SUPT3H: variants seen among roughly 807,000 people sequenced by gnomAD.
SUPT3H encodes the protein SPT3 homolog, SAGA and STAGA complex component, also known as transcription initiation protein SPT3 homolog.
In SUPT3H, 44 loss-of-function variants were observed where a neutral mutation model predicts 44.3. The ratio of observed to expected loss-of-function variants is 0.99; its 90% confidence interval spans 0.78 to 1.28. The LOEUF (loss-of-function observed/expected upper bound fraction) is 1.28. Among genes scored for constraint, SUPT3H ranks in the 50% most tolerant of loss-of-function variants. The pLI is 0.00. For missense variants in SUPT3H, 380 were observed against 387.1 expected (o/e 0.98, Z 0.15); for synonymous variants, 124 against 125.6 (o/e 0.99, Z 0.09).
chr6:45,317,048 G>A (rs546447906), intron 2 of SUPT3H, among the ~76,000 whole-genome samples: 15 of 151,774 alleles, frequency 9.9e-5, no homozygotes, highest in Non-Finnish European at 1.5e-4. Context: ...GCAACATGGC[G>A]AGACCCCATC....
chr6:45,003,666 T>C lies in SUPT3H; in HGVS notation c.491A>G (p.Gln164Arg), dbSNP rs138949390. ...AATGTACTATACCTCCATTCTTTCT[T>C]GTTTAACTTCATCAATTTCGTCATC... ...FEDDEIDEVK[Q>R]ERMERAERQT... The change falls in exon 6 of 11, where the codon CAA becomes CGA. Residue 164 changes from glutamine (Q) to arginine (R), a missense_variant. Gln to Arg is a conservative substitution (Grantham distance 43). Coordinates refer to ENST00000371459, the MANE Select transcript of SUPT3H (RefSeq NM_003599.4). 121 of 1,613,442 alleles carry C rather than the reference T, an allele frequency of 7.5e-5. No individual in the cohort carries two copies. The African/African-American group carries it at 1.4e-3, about 18-fold the overall frequency.
At chr6:45,047,515 C>T (rs1390784739) in intron 3 of SUPT3H, among the ~76,000 whole-genome samples, 4 of 151,974 alleles carry the variant, frequency 2.6e-5, no homozygotes, top group Non-Finnish European at 5.9e-5. Flanking sequence ...TTAAAGATGG[C>T]CCATACAAAC....
At chr6:44,968,726 G>A (rs565635875) in intron 6 of SUPT3H, among the ~76,000 whole-genome samples, 14 of 152,142 alleles carry the variant, frequency 9.2e-5, no homozygotes, top group African/African-American at 2.7e-4. Context: ...AAAGGCCCTC[G>A]TACATTGTAA....
At chr6:45,361,752 C>G (rs1852986) in intron 2 of SUPT3H, 63,435 of 152,036 alleles carry the variant, frequency 0.42, 13,982 homozygotes, top group Non-Finnish European at 0.5. Context: ...CCTTTCCTTT[C>G]AAATCTGTAA....
intron 2 of SUPT3H, among the ~76,000 whole-genome samples, chr6:45,258,490 A>G (rs1480306671): frequency 6.6e-6 from 1 of 152,220 alleles, no homozygotes; most frequent in African/African-American, 2.4e-5. Flanking sequence ...TAAACAAACA[A>G]AACTTTGTTT....
At chr6:45,163,494 G>A (rs1056005952) in intron 2 of SUPT3H, among the ~76,000 whole-genome samples, 1 of 152,024 alleles carries the variant, frequency 6.6e-6, no homozygotes, top group Non-Finnish European at 1.5e-5. Flanking sequence ...TTACGTAAAA[G>A]CTGGATTATT....
intron 2 of SUPT3H, among the ~76,000 whole-genome samples, chr6:45,178,514 A>T (rs1268611590): frequency 6.6e-6 from 1 of 151,984 alleles, no homozygotes; most frequent in East Asian, 1.9e-4. Context: ...AACGAGACAG[A>T]CAGTCAACAA....
intron 3 of SUPT3H, among the ~76,000 whole-genome samples, chr6:45,096,841 T>A (rs1797850688): frequency 6.6e-6 from 1 of 152,050 alleles, no homozygotes; most frequent in African/African-American, 2.4e-5. Context: ...TCATAATAAG[T>A]CTTGTCAAAA....
chr6:45,088,213 A>G (rs1796715344), intron 3 of SUPT3H, among the ~76,000 whole-genome samples: 1 of 152,082 alleles, frequency 6.6e-6, no homozygotes, highest in Non-Finnish European at 1.5e-5. Context: ...GGGTTTTAAG[A>G]ATGTTGAGGT....
chr6:45,200,964 G>A (rs905131923), intron 2 of SUPT3H, among the ~76,000 whole-genome samples: 9 of 151,408 alleles, frequency 5.9e-5, no homozygotes, highest in African/African-American at 2.2e-4. Flanking sequence ...ACAGTCATGT[G>A]TACAAATATA....
At chr6:45,087,478 T>C (rs1317804193) in intron 3 of SUPT3H, among the ~76,000 whole-genome samples, 1 of 151,774 alleles carries the variant, frequency 6.6e-6, no homozygotes, top group Non-Finnish European at 1.5e-5. Context: ...TTACCAATAT[T>C]TCAGATAAAG....
chr6:45,345,171 C>A (rs1790592487), intron 2 of SUPT3H, among the ~76,000 whole-genome samples: 1 of 152,108 alleles, frequency 6.6e-6, no homozygotes, highest in Non-Finnish European at 1.5e-5. Flanking sequence ...AAATCTTTGA[C>A]ACTTTATAAA....
chr6:45,375,278 C>G (rs537803085), intron 1 of SUPT3H, among the ~76,000 whole-genome samples: 1 of 152,164 alleles, frequency 6.6e-6, no homozygotes, highest in Non-Finnish European at 1.5e-5. Context: ...CAAGTCCCAA[C>G]AAGGCTAACA....
rs572469828 is a variant in SUPT3H, at chr6:45,027,636, G to T, written c.187-7004C>A. 2.6e-5 allele frequency among the ~76,000 whole-genome samples: 4 copies of T among 152,210 alleles called. No homozygotes were observed. In the South Asian group the frequency reaches 8.3e-4, roughly 32 times the overall value. On this transcript the variant is annotated intron_variant, in intron 3 of 10. Transcript: ENST00000371459. ...TAAAAAATAGGCACTTAACTAGAAC[G>T]GATTCAAACTACAACATCTTTTTCT...
chr6:45,173,375 G>A (rs542112726), intron 2 of SUPT3H, among the ~76,000 whole-genome samples: 15 of 152,290 alleles, frequency 9.8e-5, no homozygotes, highest in Admixed American at 6.5e-4. Context: ...AGTTAACACA[G>A]TACTGAGTAT....
chr6:44,831,018 C>A (rs62437982), intron 10 of SUPT3H, among the ~76,000 whole-genome samples: 1 of 152,144 alleles, frequency 6.6e-6, no homozygotes, highest in African/African-American at 2.4e-5. Flanking sequence ...GTAGACTTAA[C>A]CCTTTTAGAA....
intron 2 of SUPT3H, among the ~76,000 whole-genome samples, chr6:45,273,798 T>TA (rs1250616913): frequency 6.6e-6 from 1 of 152,180 alleles, no homozygotes; most frequent in African/African-American, 2.4e-5. Context: ...TGTGTGGACT[T>TA]ATATTTTCAT....
At chr6:44,849,121 A>G (rs1772401214) in intron 10 of SUPT3H, among the ~76,000 whole-genome samples, 1 of 151,984 alleles carries the variant, frequency 6.6e-6, no homozygotes. Flanking sequence ...TGGCCAACAA[A>G]TATTTGTTGA....
chr6:44,965,716 A>T (rs28491916), intron 6 of SUPT3H, among the ~76,000 whole-genome samples: 6 of 152,212 alleles, frequency 3.9e-5, no homozygotes, highest in Non-Finnish European at 8.8e-5. Flanking sequence ...AAAAGGAACA[A>T]ATTTTGGCCA....
Sources: gnomAD v4.1 joint callset for allele counts (sites outside exome capture counted in the v4.1 genomes callset) on GRCh38, gnomAD v4.1.1 for gene constraint, MANE v1.5 for transcripts, NCBI Gene and HGNC (gene_info 2026-07-23, HGNC 2026-07-21) for gene names.